The following CCNT1 variants were observed in gnomAD, a reference collection of about 807,000 sequenced individuals.
The protein encoded by CCNT1 is cyclin T1, also known as cyclin-T1.
In CCNT1, 18 loss-of-function variants were observed where a neutral mutation model predicts 67.3. The ratio of observed to expected loss-of-function variants is 0.27; its 90% CI spans 0.18 to 0.40. The LOEUF (loss-of-function observed/expected upper bound fraction) is 0.40, where lower values mean the gene tolerates loss of function less well. Among genes scored for constraint, CCNT1 ranks in the 10% least tolerant of loss-of-function variants. The pLI, the probability that CCNT1 is intolerant of heterozygous loss-of-function variation, is 1.00. For synonymous variants in CCNT1, 333 were observed against 310.3 expected (o/e 1.07, Z -0.77); for missense variants, 744 against 884.9 (o/e 0.84, Z 2.02).
In CCNT1 at chr12:48,689,525, C is replaced by T. The variant is rs1321090630; in HGVS notation, c.*3508G>A. The T allele has an allele frequency of 1.3e-5, 2 of 152,170 alleles. No individual in the cohort carries two copies. The highest frequency in any genetic ancestry group is 2.1e-4 in the South Asian group (1 of 4,830). The allele number at this position is 152,170 out of a possible 1,614,324, so 9.4% of individuals were successfully genotyped here. On this transcript the variant is annotated 3_prime_UTR_variant, in exon 9 of 9. Transcript: ENST00000261900. ...AGTCACTGAAAGCTTACTGGAACCTCGGAGGGCTATTTCTCACCATTTGAT... is the reference window on the plus strand; with the variant it reads ...AGTCACTGAAAGCTTACTGGAACCTTGGAGGGCTATTTCTCACCATTTGAT...
Position 48,699,857 on chromosome 12 carries a change from A to G in CCNT1, c.434-17T>C. 6 of 1,516,820 alleles carry G rather than the reference A, an allele frequency of 4.0e-6. No homozygotes were observed. The highest frequency in any genetic ancestry group is 1.8e-5 in the Admixed American group (1 of 56,664). 94.0% of individuals were successfully genotyped at this position (1,516,820 alleles called of 1,614,324 possible). ...GTTCAAAGCCTTAAAAGAAAAAGTA[A>G]TGGATTAAAAAACTATTAAGAAGTT... On this transcript the variant is annotated splice_polypyrimidine_tract_variant and intron_variant, in intron 4 of 8. Transcript: ENST00000261900.
At chr12:48,694,561 C>T (rs1940140153) in intron 8 of CCNT1, 125 bp from the exon 9 acceptor site, 1 of 743,982 alleles carries the variant, frequency 1.3e-6, no homozygotes, top group Non-Finnish European at 2.2e-6. Flanking sequence ...GGAGGCTATC[C>T]TAACATGTAA....
In CCNT1 at chr12:48,716,699, G is replaced by C; in HGVS notation, c.-24C>G. ...ATAGTGCTTCAACCAGAAGGCAGCG[G>C]CGAAGGCTGCAGGCACTTCCCAGCG... On this transcript the variant is annotated 5_prime_UTR_variant, in exon 1 of 9. Coordinates refer to ENST00000261900, the MANE Select transcript of CCNT1 (RefSeq NM_001240.4). 6.2e-7 allele frequency: 1 copy of C among 1,607,836 alleles called. No individual in the cohort carries two copies. Among genetic ancestry groups the C allele is most frequent in the African/African-American group, 1.3e-5 (1 of 74,946 alleles).
rs546928425 is a variant in CCNT1, at chr12:48,693,244, T to C, written c.1970A>G (p.Tyr657Cys). 5.6e-6 allele frequency: 9 copies of C among 1,614,226 alleles called. No homozygotes were observed. The highest frequency in any genetic ancestry group is 1.6e-4 in the Middle Eastern group (1 of 6,062). Reference sequence around the variant, plus strand: ...GTGAAGCATATTCACAGTGTCTTGATAGTCTATTGTCTGGGTCGTGTTGTG... The same window carrying C: ...GTGAAGCATATTCACAGTGTCTTGACAGTCTATTGTCTGGGTCGTGTTGTG... ...NGHNTTQTID[Y>C]QDTVNMLHSL... Residue 657 changes from tyrosine (Y) to cysteine (C), a missense_variant, in exon 9 of 9, where the codon TAT (tyrosine) becomes TGT (cysteine). This residue lies in a region of CCNT1 where 564 missense variants were observed against 574.2 expected (regional missense o/e 0.98). Transcript: ENST00000261900.
chr12:48,703,802 T>C (rs932147504), intron 3 of CCNT1, among the ~76,000 whole-genome samples: 1 of 151,670 alleles, frequency 6.6e-6, no homozygotes, highest in Non-Finnish European at 1.5e-5. Context: ...GGCGCACACC[T>C]ATAGTCCCAG....
chr12:48,709,649 A>G (rs74088149), intron 2 of CCNT1, among the ~76,000 whole-genome samples: 5,595 of 152,336 alleles, frequency 0.037, 160 homozygotes, highest in African/African-American at 0.075. Flanking sequence ...AAAGATGTCC[A>G]ATACATACTG....
At chr12:48,702,053 C>T (rs566976226) in intron 3 of CCNT1, among the ~76,000 whole-genome samples, 23 of 152,170 alleles carry the variant, frequency 1.5e-4, no homozygotes, top group African/African-American at 5.3e-4. Flanking sequence ...CCCACCACCA[C>T]GCCCGGCTAG....
chr12:48,716,469 A>G (rs1940534693), intron 1 of CCNT1, 46 bp downstream of exon 1: 1 of 1,537,544 alleles, frequency 6.5e-7, no homozygotes, highest in Non-Finnish European at 8.8e-7. Context: ...ACGCCAGAGC[A>G]TGGCGGGACC....
chr12:48,705,484 G>A, intron 3 of CCNT1: 1 of 299,166 alleles, frequency 3.3e-6, no homozygotes, highest in Non-Finnish European at 6.1e-6. Flanking sequence ...TGTTGTCCAG[G>A]TTGGTCTTAA....
intron 3 of CCNT1, among the ~76,000 whole-genome samples, chr12:48,702,918 C>G (rs1940294587): frequency 6.6e-6 from 1 of 151,840 alleles, no homozygotes. Context: ...GCCAAGAGTT[C>G]AAGACCAGCC....
In CCNT1 at chr12:48,694,456, A is replaced by T. The variant is rs781321741; in HGVS notation, c.778-20T>A. The T allele has an allele frequency of 6.3e-7, 1 of 1,596,912 alleles. No individual in the cohort carries two copies. Among genetic ancestry groups the T allele is most frequent in the Non-Finnish European group, 8.6e-7 (1 of 1,169,144 alleles). On this transcript the variant is annotated intron_variant, in intron 8 of 8. Coordinates refer to ENST00000261900, the MANE Select transcript of CCNT1 (RefSeq NM_001240.4). ...GCATGCCTGCAATGAAGCAAATAGC[A>T]TCTCTTTACTTAGGTAATTTACTAA...
intron 2 of CCNT1, among the ~76,000 whole-genome samples, chr12:48,713,056 T>A (rs1182183538): frequency 6.6e-6 from 1 of 152,154 alleles, no homozygotes; most frequent in Non-Finnish European, 1.5e-5. Context: ...TGCATTCAAT[T>A]CCAAGTCATT....
At position 48,694,225 on chromosome 12, in the gene CCNT1, G is replaced by T; in HGVS notation, c.989C>A (p.Pro330Gln). ...TTGGGAGGACAGCCAACGCTTGCCC[G>T]GCAACATCTCCACACTGGTTAAGTT... Reference protein sequence around the residue: ...SSNLTSVEMLPGKRWLSSQPS... With the variant: ...SSNLTSVEMLQGKRWLSSQPS... Residue 330 changes from proline to glutamine, a missense_variant, in exon 9 of 9, where the codon CCG becomes CAG. Coordinates refer to ENST00000261900, the MANE Select transcript of CCNT1 (RefSeq NM_001240.4). 6.2e-7 allele frequency: 1 copy of T among 1,614,138 alleles called. No individual in the cohort carries two copies. Among genetic ancestry groups the T allele is most frequent in the South Asian group, 1.1e-5 (1 of 91,086 alleles).
At chr12:48,703,187 G>C (rs930967360) in intron 3 of CCNT1, among the ~76,000 whole-genome samples, 1 of 152,056 alleles carries the variant, frequency 6.6e-6, no homozygotes, top group Non-Finnish European at 1.5e-5. Context: ...GGCCAAGGCG[G>C]GCGGATCACA....
At chr12:48,709,954 G>A (rs1012143115) in intron 2 of CCNT1, among the ~76,000 whole-genome samples, 1 of 151,138 alleles carries the variant, frequency 6.6e-6, no homozygotes, top group Non-Finnish European at 1.5e-5. Flanking sequence ...GCAACGGCAC[G>A]ATCTCAGCTC....
In CCNT1 at chr12:48,701,377, C is replaced by T. The variant is rs185558698; in HGVS notation, c.373-304G>A. Reference sequence around the variant, plus strand: ...AGTAGCTAAGATTCCAGGCGCGCAACACCACGCCCGGCTAATTTTTTTGTG... The same window carrying T: ...AGTAGCTAAGATTCCAGGCGCGCAATACCACGCCCGGCTAATTTTTTTGTG... On this transcript the variant is annotated intron_variant, in intron 3 of 8. Transcript: ENST00000261900. Among the ~76,000 whole-genome samples, 56 of 151,850 alleles carry T rather than the reference C, an allele frequency of 3.7e-4. No individual in the cohort carries two copies. The East Asian group carries it at 9.9e-3, about 27-fold the overall frequency.
chr12:48,712,595 T>TAAAAAAAAAAAAAAAAAAAAAAAAAAA (rs759919820), intron 2 of CCNT1, among the ~76,000 whole-genome samples: 1 of 33,364 alleles, frequency 3.0e-5, no homozygotes. Flanking sequence ...AAAAAAAAAA[T>TAAAAAAAAAAAAAAAAAAAAAAAAAAA]AAAAAAAAAA....
chr12:48,702,386 C>T (rs1362287756), intron 3 of CCNT1, among the ~76,000 whole-genome samples: 1 of 152,176 alleles, frequency 6.6e-6, no homozygotes, highest in African/African-American at 2.4e-5. Flanking sequence ...TTGTGCCAGC[C>T]AAAGCTATAG....
rs1478039496 is a variant in CCNT1, at chr12:48,689,738, T to C, written c.*3295A>G. The stretch of plus-strand genomic sequence containing the variant: ...TGTTTAAAATCCAACCATACTGGGA[T>C]AGACAGGGCCCCTCTACAATTGCCT... On this transcript the variant is annotated 3_prime_UTR_variant, in exon 9 of 9. Transcript: ENST00000261900. 1 of 152,218 alleles carries C rather than the reference T, an allele frequency of 6.6e-6. No homozygotes were observed. The highest frequency in any genetic ancestry group is 2.4e-5 in the African/African-American group (1 of 41,458). 9.4% of individuals were successfully genotyped at this position (152,218 alleles called of 1,614,324 possible). A position where few individuals can be genotyped will look rare whatever the true frequency, so the allele number is the denominator to read the frequency against.
Sources: gnomAD v4.1 joint callset for allele counts (sites outside exome capture counted in the v4.1 genomes callset) on GRCh38, gnomAD v4.1.1 for gene constraint, gnomAD v4.1.1 regional missense constraint, MANE v1.5 for transcripts, NCBI Gene and HGNC (gene_info 2026-07-23, HGNC 2026-07-21) for gene names.